Variants in CPE observed in about 807,000 individuals in gnomAD.
CPE encodes carbocypeptidase E.
Under a neutral mutation model 53.5 loss-of-function variants are expected in CPE, and 17 were observed. That is an observed-to-expected ratio of 0.32 (90% CI 0.22 to 0.48). The LOEUF is 0.48. Ranked by LOEUF, CPE falls within the 20% of genes least tolerant of loss-of-function variation. CPE has a pLI of 0.99. For synonymous variants in CPE, 226 were observed against 228.8 expected, an observed-to-expected ratio of 0.99 and a Z score of 0.11; for missense variants, 524 against 614.7, an observed-to-expected ratio of 0.85 and a Z score of 1.56.
At chr4:165,412,923 C>T (rs760633969) in intron 1 of CPE, among the ~76,000 whole-genome samples, 31 of 152,142 alleles carry the variant, frequency 2.0e-4, no homozygotes, top group African/African-American at 5.1e-4. Context: ...AAATCTGTAA[C>T]GTTCCTCTGC....
Position 165,495,666 on chromosome 4 carries a change from CCTG to C in CPE, c.1328_1330del (p.Ala443del). On this transcript the variant is annotated inframe_deletion, in exon 8 of 9. Coordinates refer to ENST00000402744, the MANE Select transcript of CPE (RefSeq NM_001873.4). ...AAAGAAAGTGGCAGTTCCTTACAGC[CCTG>C]CTGCTGGGGTAAGTAATCATAATAA... The C allele has an allele frequency of 6.2e-7, 1 of 1,608,514 alleles. No individual in the cohort carries two copies. The highest frequency in any genetic ancestry group is 8.5e-7 in the Non-Finnish European group (1 of 1,176,330).
chr4:165,458,593 T>C (rs545375758), intron 1 of CPE, among the ~76,000 whole-genome samples: 28 of 152,308 alleles, frequency 1.8e-4, no homozygotes, highest in East Asian at 1.2e-3. Context: ...CTACTTTTTT[T>C]CCCTCTAAAT....
intron 1 of CPE, chr4:165,405,188 G>A (rs1730932791): frequency 2.6e-6 from 2 of 777,158 alleles, no homozygotes; most frequent in Non-Finnish European, 2.4e-6. Flanking sequence ...AGTGAGTGTG[G>A]CATCTTTAAG....
chr4:165,423,048 G>A (rs1419779394), intron 1 of CPE, among the ~76,000 whole-genome samples: 2 of 151,516 alleles, frequency 1.3e-5, no homozygotes, highest in South Asian at 2.1e-4. Flanking sequence ...AGAAGGGAGG[G>A]GTGTTCCAGA....
chr4:165,458,235 T>C (rs146991397), intron 1 of CPE, among the ~76,000 whole-genome samples: 139 of 152,340 alleles, frequency 9.1e-4, no homozygotes, highest in African/African-American at 3.2e-3. Context: ...TATAGCCACT[T>C]GTTTGTCAAT....
intron 1 of CPE, among the ~76,000 whole-genome samples, chr4:165,454,024 T>G (rs1731858576): frequency 6.6e-6 from 1 of 152,184 alleles, no homozygotes; most frequent in African/African-American, 2.4e-5. Context: ...CTGGTAAATG[T>G]TTTACAATCA....
chr4:165,460,357 T>G (rs1389297647), intron 1 of CPE, among the ~76,000 whole-genome samples: 1 of 152,200 alleles, frequency 6.6e-6, no homozygotes, highest in East Asian at 1.9e-4. Context: ...TGTTTAGACT[T>G]TACAACAAAA....
chr4:165,412,914 A>T (rs936921194), intron 1 of CPE, among the ~76,000 whole-genome samples: 3 of 152,136 alleles, frequency 2.0e-5, no homozygotes, highest in African/African-American at 7.2e-5. Context: ...TCGAATCCAA[A>T]ATCTGTAACG....
At chr4:165,382,261 G>T (rs950385292) in intron 1 of CPE, among the ~76,000 whole-genome samples, 4 of 152,148 alleles carry the variant, frequency 2.6e-5, no homozygotes, top group African/African-American at 9.7e-5. Context: ...GATGACAAAA[G>T]ACAGGAAATG....
chr4:165,484,311 TA>T, intron 4 of CPE, 110 bp from the exon 5 acceptor site: 18 of 1,021,426 alleles, frequency 1.8e-5, no homozygotes, highest in Non-Finnish European at 2.4e-5. Flanking sequence ...GTTATGTAGC[TA>T]AAAAAATACA....
intron 3 of CPE, among the ~76,000 whole-genome samples, chr4:165,468,631 C>T (rs1732148693): frequency 6.6e-6 from 1 of 152,194 alleles, no homozygotes; most frequent in African/African-American, 2.4e-5. Flanking sequence ...TTTGATCTCT[C>T]TGACACCTCT....
At chr4:165,444,798 GA>G (rs1436417170) in intron 1 of CPE, among the ~76,000 whole-genome samples, 2 of 152,184 alleles carry the variant, frequency 1.3e-5, no homozygotes, top group Non-Finnish European at 2.9e-5. Flanking sequence ...CAAACCGTGT[GA>G]ATTACAGGAT....
At chr4:165,467,227 G>A (rs767421384) in intron 2 of CPE, among the ~76,000 whole-genome samples, 1 of 152,204 alleles carries the variant, frequency 6.6e-6, no homozygotes, top group Admixed American at 6.5e-5. Context: ...GGAGGCCAAG[G>A]AGGGAGGATC....
intron 1 of CPE, among the ~76,000 whole-genome samples, chr4:165,398,798 C>T (rs1438407355): frequency 6.6e-6 from 1 of 152,062 alleles, no homozygotes; most frequent in Non-Finnish European, 1.5e-5. Context: ...TAATATGTTG[C>T]CTCCTGCTGT....
At chr4:165,389,912 G>A (rs9991736) in intron 1 of CPE, among the ~76,000 whole-genome samples, 93 of 152,328 alleles carry the variant, frequency 6.1e-4, no homozygotes, top group African/African-American at 2.2e-3. Context: ...CTGGAATCAA[G>A]ATAGTGACTG....
chr4:165,391,764 A>G (rs1399482479), intron 1 of CPE, among the ~76,000 whole-genome samples: 3 of 152,150 alleles, frequency 2.0e-5, no homozygotes, highest in Admixed American at 1.3e-4. Context: ...AGGTATTTCA[A>G]AAGGGAACAA....
chr4:165,442,319 CAG>C (rs1253289126), intron 1 of CPE, among the ~76,000 whole-genome samples: 3 of 152,214 alleles, frequency 2.0e-5, no homozygotes. Flanking sequence ...GTTGGGATTA[CAG>C]GCATGAACCA....
At chr4:165,478,616 C>T (rs535645894) in intron 3 of CPE, among the ~76,000 whole-genome samples, 2 of 152,244 alleles carry the variant, frequency 1.3e-5, no homozygotes, top group South Asian at 2.1e-4. Flanking sequence ...ATCCATTACC[C>T]TACAATCTTC....
intron 1 of CPE, among the ~76,000 whole-genome samples, chr4:165,432,300 T>G (rs747202805): frequency 5.3e-5 from 8 of 151,966 alleles, no homozygotes; most frequent in South Asian, 4.2e-4. Flanking sequence ...AAAATCATTT[T>G]TGTGTGTGTG....
Sources: gnomAD v4.1 joint callset for allele counts (sites outside exome capture counted in the v4.1 genomes callset) on GRCh38, gnomAD v4.1.1 for gene constraint, MANE v1.5 for transcripts, NCBI Gene and HGNC (gene_info 2026-07-23, HGNC 2026-07-21) for gene names.